Variants in RFFL observed in about 807,000 individuals in gnomAD.
RFFL encodes E3 ubiquitin-protein ligase rififylin.
A neutral mutation model predicts 40.4 loss-of-function variants in RFFL; 16 were observed. That is an observed-to-expected ratio of 0.40 (90% CI 0.27 to 0.60). The LOEUF (loss-of-function observed/expected upper bound fraction) is 0.60. Among genes scored for constraint, RFFL ranks in the 20% least tolerant of loss-of-function variants. The pLI, the probability that RFFL is intolerant of heterozygous loss-of-function variation, is 0.47. For missense variants in RFFL, 367 were observed against 451.7 expected (o/e 0.81, Z 1.70); for synonymous variants, 154 against 167.9 (o/e 0.92, Z 0.64).
At chr17:35,034,493 A>C (rs1597822616) in intron 1 of RFFL, among the ~76,000 whole-genome samples, 1 of 152,026 alleles carries the variant, frequency 6.6e-6, no homozygotes, top group East Asian at 1.9e-4. Flanking sequence ...CAGTAGGAAA[A>C]ACTGGAAAGT....
At chr17:35,076,938 G>A in intron 1 of RFFL, 3 of 288,442 alleles carry the variant, frequency 1.0e-5, no homozygotes, top group Non-Finnish European at 1.4e-5. Flanking sequence ...GCAAATTCGG[G>A]CATGGATTCT....
At chr17:35,062,280 G>A (rs978604832) in intron 1 of RFFL, among the ~76,000 whole-genome samples, 7 of 152,016 alleles carry the variant, frequency 4.6e-5, no homozygotes, top group Admixed American at 4.6e-4. Flanking sequence ...GCACGTACCT[G>A]TAGTCCCAGC....
chr17:35,037,217 C>A (rs1255118232), intron 1 of RFFL, among the ~76,000 whole-genome samples: 3 of 152,168 alleles, frequency 2.0e-5, no homozygotes, highest in Non-Finnish European at 2.9e-5. Context: ...GGCTGGAAAG[C>A]AAGCCTTACA....
intron 1 of RFFL, among the ~76,000 whole-genome samples, chr17:35,059,496 A>G (rs1184609945): frequency 6.6e-6 from 1 of 152,132 alleles, no homozygotes; most frequent in Non-Finnish European, 1.5e-5. Context: ...TGAATTACTA[A>G]CCCACAAAAT....
At chr17:35,081,844 T>G (rs1158396699) in intron 1 of RFFL, among the ~76,000 whole-genome samples, 1 of 152,170 alleles carries the variant, frequency 6.6e-6, no homozygotes, top group East Asian at 1.9e-4. Context: ...TTCAATTGTA[T>G]TACACACTAG....
At chr17:35,056,198 T>C (rs1440144920) in intron 1 of RFFL, among the ~76,000 whole-genome samples, 1 of 152,014 alleles carries the variant, frequency 6.6e-6, no homozygotes, top group Admixed American at 6.6e-5. Flanking sequence ...AGACTCCTTC[T>C]CCCACACTGG....
chr17:35,026,792 G>A (rs776571064), intron 1 of RFFL, among the ~76,000 whole-genome samples: 7 of 152,188 alleles, frequency 4.6e-5, no homozygotes, highest in South Asian at 2.1e-4. Context: ...CACAACCTCC[G>A]CCTCCTGGGT....
At position 35,016,384 on chromosome 17, in the gene RFFL, C is replaced by T. The variant is rs949891371; in HGVS notation, c.872G>A (p.Gly291Glu). 3 of 1,614,032 alleles carry T rather than the reference C, an allele frequency of 1.9e-6. No individual in the cohort carries two copies. The highest frequency in any genetic ancestry group is 1.3e-5 in the African/African-American group (1 of 74,922). ...RVTRLYKDQK[G>E]LQHLVSGAED... ...TAGCCCCTCACCCAGGTGCTGGAGTCCTTTCTGATCCTTGTATAGCCGGGT... is the reference window on the plus strand; with the variant it reads ...TAGCCCCTCACCCAGGTGCTGGAGTTCTTTCTGATCCTTGTATAGCCGGGT... The change falls in exon 5 of 7, where the codon GGA (glycine) becomes GAA (glutamate). Residue 291 changes from glycine to glutamate, a missense_variant. Transcript: ENST00000394597.
intron 1 of RFFL, among the ~76,000 whole-genome samples, chr17:35,041,867 AT>A (rs1477500342): frequency 3.3e-5 from 5 of 151,978 alleles, no homozygotes; most frequent in Non-Finnish European, 7.4e-5. Flanking sequence ...AAACACAAAA[AT>A]TAGTGGTGTG....
chr17:35,079,262 GAT>G (rs1435693832), intron 1 of RFFL, among the ~76,000 whole-genome samples: 2 of 152,120 alleles, frequency 1.3e-5, no homozygotes, highest in African/African-American at 4.8e-5. Context: ...GAACCCAAGT[GAT>G]CCACCCACCT....
chr17:35,074,414 T>C (rs1010495536), intron 1 of RFFL: 26 of 152,276 alleles, frequency 1.7e-4, no homozygotes, highest in African/African-American at 6.3e-4. Flanking sequence ...AAAACTGCGG[T>C]GAGAGTTCAT....
In RFFL at chr17:35,051,648, G is replaced by A. The variant is rs146431362; in HGVS notation, c.-9+11928C>T. Among the ~76,000 whole-genome samples the A allele has an allele frequency of 5.9e-3, 901 of 152,264 alleles. 9 individuals are homozygous for A. The highest frequency in any genetic ancestry group is 0.02 in the African/African-American group (832 of 41,540). ...TTAACACAAATAGTGCTGAGATAAG[G>A]AAATAAAGCCTGAAACAAAACTTCG... On this transcript the variant is annotated intron_variant, in intron 1 of 6. Coordinates refer to ENST00000394597, the MANE Select transcript of RFFL (RefSeq NM_001017368.2).
chr17:35,018,192 A>G, intron 3 of RFFL, among the ~76,000 whole-genome samples: 1 of 152,138 alleles, frequency 6.6e-6, no homozygotes, highest in East Asian at 1.9e-4. Flanking sequence ...TCTGCCTAGT[A>G]ACTACTCTCA....
intron 1 of RFFL, among the ~76,000 whole-genome samples, chr17:35,045,682 C>T (rs542048738): frequency 1.3e-5 from 2 of 152,152 alleles, no homozygotes; most frequent in African/African-American, 4.8e-5. Context: ...CTAATGATAA[C>T]AGCAATAGAG....
chr17:35,078,914 A>G (rs760838925), intron 1 of RFFL, among the ~76,000 whole-genome samples: 12 of 151,096 alleles, frequency 7.9e-5, no homozygotes, highest in Non-Finnish European at 1.6e-4. Context: ...CAGGAGGCAG[A>G]GGTTGCAGTG....
intron 1 of RFFL, among the ~76,000 whole-genome samples, chr17:35,082,468 C>T (rs1039388781): frequency 6.6e-6 from 1 of 152,210 alleles, no homozygotes; most frequent in Non-Finnish European, 1.5e-5. Flanking sequence ...ACTCTGGGTA[C>T]ATGCCAACAC....
intron 6 of RFFL, among the ~76,000 whole-genome samples, chr17:35,013,982 A>C (rs2090957196): frequency 1.3e-5 from 2 of 152,200 alleles, no homozygotes; most frequent in Non-Finnish European, 2.9e-5. Context: ...CATTTTACTA[A>C]ATAAATTTGG....
chr17:35,045,884 C>T (rs1036193704), intron 1 of RFFL, among the ~76,000 whole-genome samples: 6 of 151,770 alleles, frequency 4.0e-5, no homozygotes, highest in Non-Finnish European at 8.8e-5. Flanking sequence ...ATTAGCTGGG[C>T]GTGGTGGTGT....
intron 1 of RFFL, among the ~76,000 whole-genome samples, chr17:35,042,622 G>A (rs761126279): frequency 2.8e-4 from 43 of 152,042 alleles, no homozygotes; most frequent in Non-Finnish European, 5.4e-4. Flanking sequence ...CCAGGAGTTC[G>A]AGACCAGCCC....
Sources: allele counts gnomAD v4.1 joint callset (sites outside exome capture counted in the v4.1 genomes callset), GRCh38; gene constraint gnomAD v4.1.1; transcripts MANE v1.5; gene names NCBI Gene and HGNC (gene_info 2026-07-23, HGNC 2026-07-21).